ARMH3: variants seen among roughly 807,000 people sequenced by gnomAD.
ARMH3 encodes armadillo like helical domain containing 3.
ARMH3 carries 60 observed loss-of-function variants against 99.1 expected under a neutral mutation model. The observed-to-expected ratio is 0.61, with a 90% confidence interval of 0.49 to 0.75. The LOEUF is 0.75. Ranked by LOEUF, ARMH3 falls within the 30% of genes least tolerant of loss-of-function variation. ARMH3 has a pLI of 0.00. For missense variants in ARMH3, 679 were observed against 843.1 expected (o/e 0.81, Z 2.41); for synonymous variants, 285 against 292.8 (o/e 0.97, Z 0.27).
At chr10:102,049,906 T>G (rs1049976109) in intron 1 of ARMH3, among the ~76,000 whole-genome samples, 25 of 151,934 alleles carry the variant, frequency 1.6e-4, no homozygotes, top group Non-Finnish European at 1.5e-5. Flanking sequence ...GTAACACAAC[T>G]AGTAAGTGAT....
intron 23 of ARMH3, among the ~76,000 whole-genome samples, chr10:101,890,235 T>C (rs552658420): frequency 6.7e-6 from 1 of 149,908 alleles, no homozygotes; most frequent in African/African-American, 2.4e-5. Flanking sequence ...TTCATATATA[T>C]ATATATATTT....
rs143641424 is a variant in ARMH3 at position 101,927,903 on chromosome 10, T to C, written c.1781+11960A>G. On this transcript the variant is annotated intron_variant, in intron 23 of 25. Coordinates refer to ENST00000370033, the MANE Select transcript of ARMH3 (RefSeq NM_024541.3). ...GCCTGGCCAACATAGTGAAACCCCA[T>C]CTCTACCAACAATACAAAAAACTAG... Among the ~76,000 whole-genome samples, 1,477 of 152,154 alleles carry C rather than the reference T, an allele frequency of 9.7e-3. 20 individuals carry two copies. The highest frequency in any genetic ancestry group is 0.033 in the African/African-American group (1,359 of 41,518).
chr10:101,997,972 A>G (rs1293370647), intron 15 of ARMH3, among the ~76,000 whole-genome samples: 9 of 152,184 alleles, frequency 5.9e-5, no homozygotes, highest in Non-Finnish European at 1.3e-4. Flanking sequence ...CTGGGCCAAT[A>G]AAGCCACACA....
chr10:101,922,347 A>C (rs1479089307), intron 23 of ARMH3, among the ~76,000 whole-genome samples: 3 of 152,122 alleles, frequency 2.0e-5, no homozygotes, highest in Non-Finnish European at 4.4e-5. Flanking sequence ...GGCTCAAGTA[A>C]TCTTCCCACC....
intron 25 of ARMH3, among the ~76,000 whole-genome samples, chr10:101,847,957 G>A (rs1380000928): frequency 6.6e-6 from 1 of 152,210 alleles, no homozygotes; most frequent in Non-Finnish European, 1.5e-5. Flanking sequence ...GGACTGGGCT[G>A]CTCAGTGATC....
chr10:101,975,386 C>T, intron 19 of ARMH3, 86 bp from the exon 20 acceptor site: 1 of 996,344 alleles, frequency 1.0e-6, no homozygotes, highest in Non-Finnish European at 1.6e-6. Flanking sequence ...GCCAGCTTTG[C>T]TAAGGCCACT....
intron 23 of ARMH3, among the ~76,000 whole-genome samples, chr10:101,901,029 G>A (rs913857034): frequency 3.3e-5 from 5 of 151,738 alleles, no homozygotes; most frequent in African/African-American, 1.2e-4. Context: ...GCTAGACTGA[G>A]GAAGGAGGGA....
intron 23 of ARMH3, among the ~76,000 whole-genome samples, chr10:101,925,701 G>C (rs1414497292): frequency 6.6e-6 from 1 of 152,100 alleles, no homozygotes; most frequent in African/African-American, 2.4e-5. Flanking sequence ...CTGAGGACAG[G>C]AGTTCGAGAC....
At chr10:101,967,890 T>C (rs373402862) in intron 20 of ARMH3, among the ~76,000 whole-genome samples, 5 of 152,238 alleles carry the variant, frequency 3.3e-5, no homozygotes, top group African/African-American at 1.2e-4. Context: ...CCTCTCCAGG[T>C]GAACACAGCA....
At chr10:101,935,425 G>GAC (rs893875861) in intron 23 of ARMH3, among the ~76,000 whole-genome samples, 3 of 152,054 alleles carry the variant, frequency 2.0e-5, no homozygotes, top group African/African-American at 7.2e-5. Flanking sequence ...CAAAAAGACT[G>GAC]ACACTTGAGC....
At chr10:102,048,562 G>A (rs1428497602) in intron 1 of ARMH3, among the ~76,000 whole-genome samples, 1 of 152,144 alleles carries the variant, frequency 6.6e-6, no homozygotes, top group Non-Finnish European at 1.5e-5. Flanking sequence ...AAGTAGCTGG[G>A]ACTACAGGCG....
intron 24 of ARMH3, among the ~76,000 whole-genome samples, chr10:101,858,840 G>A (rs1444823630): frequency 6.6e-6 from 1 of 152,104 alleles, no homozygotes; most frequent in African/African-American, 2.4e-5. Flanking sequence ...GTGACATTAT[G>A]GATTTTCATA....
chr10:101,984,482 A>G (rs990711532), intron 19 of ARMH3, among the ~76,000 whole-genome samples: 1 of 152,112 alleles, frequency 6.6e-6, no homozygotes, highest in Non-Finnish European at 1.5e-5. Context: ...CACACAGTAC[A>G]TTCCTGAATG....
At chr10:101,894,268 T>C (rs1432707764) in intron 23 of ARMH3, among the ~76,000 whole-genome samples, 1 of 152,224 alleles carries the variant, frequency 6.6e-6, no homozygotes, top group African/African-American at 2.4e-5. Flanking sequence ...AGTCTAACAC[T>C]GGCTCTTCTC....
chr10:101,895,356 T>C (rs2067799354), intron 23 of ARMH3, among the ~76,000 whole-genome samples: 1 of 150,876 alleles, frequency 6.6e-6, no homozygotes, highest in Non-Finnish European at 1.5e-5. Flanking sequence ...CTTGGCTCAC[T>C]GCAAGCTCCA....
intron 23 of ARMH3, among the ~76,000 whole-genome samples, chr10:101,919,125 C>T (rs1480824929): frequency 6.6e-6 from 1 of 152,146 alleles, no homozygotes; most frequent in Non-Finnish European, 1.5e-5. Flanking sequence ...AGCTTTTGGT[C>T]TTCAGAACAA....
chr10:101,975,137 A>G (rs1452413975), intron 20 of ARMH3, 75 bp downstream of exon 20: 2 of 1,157,752 alleles, frequency 1.7e-6, no homozygotes, highest in East Asian at 5.2e-5. Context: ...AAAACAAAAA[A>G]TCCACCTTGA....
intron 17 of ARMH3, among the ~76,000 whole-genome samples, chr10:101,993,286 GA>G (rs35314567): frequency 0.58 from 74,549 of 129,622 alleles, 19,497 homozygotes; most frequent in East Asian, 0.75. Context: ...CTCAAAAAAA[GA>G]AAAAAAAAAA....
At chr10:101,949,762 T>C (rs1037460989) in intron 22 of ARMH3, among the ~76,000 whole-genome samples, 3 of 152,164 alleles carry the variant, frequency 2.0e-5, no homozygotes, top group Admixed American at 6.5e-5. Context: ...GAAAAAGAAA[T>C]TGTAAGAAAG....
Sources: gnomAD v4.1 joint callset for allele counts (sites outside exome capture counted in the v4.1 genomes callset) on GRCh38, gnomAD v4.1.1 for gene constraint, MANE v1.5 for transcripts, NCBI Gene and HGNC (gene_info 2026-07-23, HGNC 2026-07-21) for gene names.